The following CDH2 variants were observed in gnomAD, a reference collection of about 807,000 sequenced individuals.
CDH2 encodes cadherin 2.
A neutral mutation model predicts 92.0 loss-of-function variants in CDH2; 17 were observed. That is an observed-to-expected ratio of 0.18 (90% CI 0.13 to 0.28). CDH2 has a LOEUF of 0.28. Among genes scored for constraint, CDH2 ranks in the 10% least tolerant of loss-of-function variants. The pLI is 1.00. For missense variants in CDH2, 862 were observed against 1,133.1 expected, an observed-to-expected ratio of 0.76 and a Z score of 3.44; for synonymous variants, 419 against 415.9, an observed-to-expected ratio of 1.01 and a Z score of -0.09.
intron 2 of CDH2, among the ~76,000 whole-genome samples, chr18:28,070,712 C>T (rs1193661464): frequency 6.6e-6 from 1 of 152,134 alleles, no homozygotes; most frequent in African/African-American, 2.4e-5. Flanking sequence ...CATGGTGTAA[C>T]TGGGGACAAC....
intron 9 of CDH2, among the ~76,000 whole-genome samples, chr18:27,991,248 G>A (rs915340876): frequency 2.0e-5 from 3 of 152,132 alleles, no homozygotes; most frequent in African/African-American, 2.4e-5. Context: ...AGAGCATTAA[G>A]ATCTCTTAGG....
Position 27,992,648 on chromosome 18 carries a change from C to T in CDH2, c.1344+7G>A, listed in dbSNP as rs766791168. ...TTGGAGAGATCAGTGGCCCGAGGAACACTTACTTTGACCACGGTGACTAAC... is the reference window on the plus strand; with the variant it reads ...TTGGAGAGATCAGTGGCCCGAGGAATACTTACTTTGACCACGGTGACTAAC... On this transcript the variant is annotated splice_region_variant and intron_variant, in intron 9 of 15. Transcript: ENST00000269141. The T allele has an allele frequency of 1.9e-6, 3 of 1,607,414 alleles. No individual in the cohort carries two copies. Among genetic ancestry groups the T allele is most frequent in the Non-Finnish European group, 2.6e-6 (3 of 1,176,160 alleles).
At chr18:27,933,910 A>C (rs1908962458) in intron 6 of CDH2, among the ~76,000 whole-genome samples, 1 of 152,240 alleles carries the variant, frequency 6.6e-6, no homozygotes, top group African/African-American at 2.4e-5. Flanking sequence ...GCAAATGGTG[A>C]TAATTTTAGG....
downstream of CDH2, among the ~76,000 whole-genome samples, chr18:27,949,243 A>T (rs1277561830): frequency 6.6e-6 from 1 of 152,002 alleles, no homozygotes; most frequent in Admixed American, 6.6e-5. Flanking sequence ...GCTTTTAGAA[A>T]GCCTTGTCTT....
chr18:28,064,920 C>T (rs2014477560), intron 2 of CDH2, among the ~76,000 whole-genome samples: 1 of 152,088 alleles, frequency 6.6e-6, no homozygotes, highest in Admixed American at 6.6e-5. Context: ...GGGTCCTGAA[C>T]CTTGAACTTC....
At chr18:28,102,013 A>G (rs1052367989) in intron 2 of CDH2, among the ~76,000 whole-genome samples, 1 of 152,116 alleles carries the variant, frequency 6.6e-6, no homozygotes, top group Non-Finnish European at 1.5e-5. Flanking sequence ...CTGGTTGAGA[A>G]GTTAAAGCAT....
At chr18:28,022,991 G>A (rs1249348337) in intron 2 of CDH2, among the ~76,000 whole-genome samples, 2 of 151,932 alleles carry the variant, frequency 1.3e-5, no homozygotes, top group African/African-American at 4.8e-5. Context: ...TCTAAAGAGA[G>A]TAATATTTAA....
chr18:27,964,178 C>G (rs1042819169), intron 14 of CDH2, among the ~76,000 whole-genome samples: 1 of 152,180 alleles, frequency 6.6e-6, no homozygotes, highest in Non-Finnish European at 1.5e-5. Flanking sequence ...TTGCTGACCT[C>G]TGGTTTAGTG....
intron 14 of CDH2, among the ~76,000 whole-genome samples, chr18:27,973,838 T>C (rs1206456264): frequency 2.0e-5 from 3 of 152,134 alleles, no homozygotes; most frequent in Admixed American, 6.5e-5. Flanking sequence ...CATGTAGTGA[T>C]TGCATGGATT....
chr18:28,063,814 T>C (rs954459850), intron 2 of CDH2, among the ~76,000 whole-genome samples: 4 of 152,220 alleles, frequency 2.6e-5, no homozygotes, highest in African/African-American at 9.6e-5. Context: ...GTATCCTCTT[T>C]CATGCTTCAG....
At chr18:27,988,742 T>A in intron 10 of CDH2, 76 bp from the exon 11 acceptor site, 2 of 1,039,616 alleles carry the variant, frequency 1.9e-6, no homozygotes. Flanking sequence ...TAGTTCCAAA[T>A]GCAACTGGCT....
At chr18:28,062,275 G>A (rs1426420042) in intron 2 of CDH2, among the ~76,000 whole-genome samples, 1 of 152,086 alleles carries the variant, frequency 6.6e-6, no homozygotes, top group Non-Finnish European at 1.5e-5. Context: ...AGAATATAAT[G>A]CAATAGGAAA....
chr18:27,957,039 C>G (rs2011264046), intron 15 of CDH2, among the ~76,000 whole-genome samples: 1 of 152,076 alleles, frequency 6.6e-6, no homozygotes, highest in South Asian at 2.1e-4. Flanking sequence ...CCCCAAACCC[C>G]AAAGCATCAT....
At chr18:28,053,357 A>G (rs1048732510) in intron 2 of CDH2, among the ~76,000 whole-genome samples, 12 of 152,214 alleles carry the variant, frequency 7.9e-5, no homozygotes, top group Non-Finnish European at 1.6e-4. Flanking sequence ...AGATTATAAA[A>G]CCTATTATGC....
At chr18:28,101,091 G>T (rs1451186459) in intron 2 of CDH2, among the ~76,000 whole-genome samples, 1 of 152,138 alleles carries the variant, frequency 6.6e-6, no homozygotes, top group Non-Finnish European at 1.5e-5. Flanking sequence ...TGACCATCCA[G>T]TATACACGAT....
At chr18:28,111,727 T>A (rs2015416112) in intron 2 of CDH2, among the ~76,000 whole-genome samples, 1 of 152,186 alleles carries the variant, frequency 6.6e-6, no homozygotes, top group Admixed American at 6.5e-5. Flanking sequence ...ATTGAAAATG[T>A]CATTCACCTG....
chr18:27,943,968 G>A (rs997532546), intron 6 of CDH2, among the ~76,000 whole-genome samples: 11 of 152,074 alleles, frequency 7.2e-5, no homozygotes, highest in African/African-American at 2.4e-4. Flanking sequence ...AGTCTGTGGT[G>A]GTTGATGCTT....
intron 2 of CDH2, among the ~76,000 whole-genome samples, chr18:28,114,021 A>G (rs2015455006): frequency 6.6e-6 from 1 of 152,122 alleles, no homozygotes; most frequent in Non-Finnish European, 1.5e-5. Flanking sequence ...GCATCCTCCA[A>G]CAAGTAAGAT....
At chr18:28,106,101 A>C (rs534445735) in intron 2 of CDH2, among the ~76,000 whole-genome samples, 2 of 152,338 alleles carry the variant, frequency 1.3e-5, no homozygotes, top group East Asian at 3.9e-4. Flanking sequence ...GTCAGTCACC[A>C]TTAGCAAATG....
Sources: allele counts gnomAD v4.1 joint callset (sites outside exome capture counted in the v4.1 genomes callset), GRCh38; gene constraint gnomAD v4.1.1; transcripts MANE v1.5; gene names NCBI Gene and HGNC (gene_info 2026-07-23, HGNC 2026-07-21).